The following CCDC85C variants were observed in gnomAD, a reference collection of about 807,000 sequenced individuals.
CCDC85C encodes coiled-coil domain-containing protein 85C.
In CCDC85C, 18 loss-of-function variants were observed where a neutral mutation model predicts 38.3. That is an observed-to-expected ratio of 0.47 (90% CI 0.33 to 0.70). CCDC85C has a LOEUF of 0.70. Ranked by LOEUF, CCDC85C falls within the 30% of genes least tolerant of loss-of-function variation. The probability of loss-of-function intolerance (pLI) is 0.03; values close to 1 mark genes in which losing one functional copy is unlikely to be tolerated. For synonymous variants in CCDC85C, 264 were observed against 293.8 expected, an observed-to-expected ratio of 0.90 and a Z score of 1.04; for missense variants, 566 against 621.2, an observed-to-expected ratio of 0.91 and a Z score of 0.94.
At position 99,515,254 on chromosome 14, in the gene CCDC85C, G is replaced by A. The variant is rs766385345; in HGVS notation, c.1252C>T (p.Pro418Ser). Residue 418 changes from proline (P) to serine (S), a missense_variant, in exon 6 of 6, where the codon CCT (proline) becomes TCT (serine). Physicochemically the swap from Pro to Ser is moderately conservative, Grantham distance 74. Transcript: ENST00000380243. ...QHLSGNQFKGPL is the reference protein window; with the variant it reads ...QHLSGNQFKGSL ...TCCACAGAAGAGTGGCCCTACAAAGGCCCCTTGAACTGGTTCCCAGACAGG... is the reference window on the plus strand; with the variant it reads ...TCCACAGAAGAGTGGCCCTACAAAGACCCCTTGAACTGGTTCCCAGACAGG... 1.9e-6 allele frequency: 3 copies of A among 1,550,336 alleles called. No homozygotes were observed. The highest frequency in any genetic ancestry group is 2.0e-5 in the Admixed American group (1 of 50,958).
Position 99,510,390 on chromosome 14 carries a change from A to G in CCDC85C, c.*4856T>C. ...GGGCTACCAGAGCCTGCAGTCCATG[A>G]TGAAGACCGAGGGACCCTCCTACGG... On this transcript the variant is annotated 3_prime_UTR_variant, in exon 6 of 6. Coordinates refer to ENST00000380243, the MANE Select transcript of CCDC85C (RefSeq NM_001144995.2). The G allele has an allele frequency of 6.4e-7, 1 of 1,565,318 alleles. No homozygotes were observed. Among genetic ancestry groups the G allele is most frequent in the Non-Finnish European group, 8.6e-7 (1 of 1,157,450 alleles).
chr14:99,593,796 A>G (rs2139990268), intron 1 of CCDC85C, among the ~76,000 whole-genome samples: 1 of 152,318 alleles, frequency 6.6e-6, no homozygotes, highest in Admixed American at 6.5e-5. Flanking sequence ...GAACCTCCAG[A>G]GCCTTCACAG....
rs1896861688 is a variant in CCDC85C, at chr14:99,502,613, T to G, written c.*12633A>C. 1.6e-6 allele frequency: 2 copies of G among 1,252,734 alleles called. No individual in the cohort carries two copies. The highest frequency in any genetic ancestry group is 2.2e-6 in the Non-Finnish European group (2 of 892,842). 77.6% of individuals were successfully genotyped at this position (1,252,734 alleles called of 1,614,324 possible). ...AAGATGGGGTGAGTTGTAAATGTGATTCATGCTTAGGTCCTCGTAGGGGTA... is the reference window on the plus strand; with the variant it reads ...AAGATGGGGTGAGTTGTAAATGTGAGTCATGCTTAGGTCCTCGTAGGGGTA... On this transcript the variant is annotated 3_prime_UTR_variant, in exon 6 of 6. Transcript: ENST00000380243.
rs549281093 is a variant in CCDC85C at position 99,560,843 on chromosome 14, G to A, written c.794-24755C>T. On this transcript the variant is annotated intron_variant, in intron 1 of 5. Coordinates refer to ENST00000380243, the MANE Select transcript of CCDC85C (RefSeq NM_001144995.2). ...CCTCTGCCCGATACCAGGGCCCATGGGAGCCAAGCCATCTCTGCAGAAGGG... is the reference window on the plus strand; with the variant it reads ...CCTCTGCCCGATACCAGGGCCCATGAGAGCCAAGCCATCTCTGCAGAAGGG... Among the ~76,000 whole-genome samples the A allele has an allele frequency of 2.0e-5, 3 of 152,344 alleles. No individual in the cohort carries two copies. In the South Asian group the frequency reaches 6.2e-4, roughly 32 times the overall value.
chr14:99,596,006 G>A (rs1045438700), intron 1 of CCDC85C, among the ~76,000 whole-genome samples: 3 of 152,252 alleles, frequency 2.0e-5, no homozygotes, highest in Non-Finnish European at 2.9e-5. Context: ...ACTCCCAGAT[G>A]AAGAGACAGT....
At chr14:99,584,695 A>G (rs2055008600) in intron 1 of CCDC85C, among the ~76,000 whole-genome samples, 1 of 152,238 alleles carries the variant, frequency 6.6e-6, no homozygotes. Context: ...CAAATCCTTC[A>G]TGGCTTTGCA....
chr14:99,578,214 T>A (rs2139972145), intron 1 of CCDC85C, among the ~76,000 whole-genome samples: 1 of 126,790 alleles, frequency 7.9e-6, no homozygotes, highest in African/African-American at 3.2e-5. Context: ...TCTACACCCA[T>A]ACAGCCCATC....
chr14:99,564,621 G>C (rs777520717), intron 1 of CCDC85C, among the ~76,000 whole-genome samples: 3 of 152,202 alleles, frequency 2.0e-5, no homozygotes, highest in Non-Finnish European at 4.4e-5. Context: ...CCAGCTGGCT[G>C]GTGTGTGCAT....
intron 1 of CCDC85C, among the ~76,000 whole-genome samples, chr14:99,555,697 G>T (rs1897997007): frequency 6.6e-6 from 1 of 152,212 alleles, no homozygotes; most frequent in Non-Finnish European, 1.5e-5. Context: ...TAGAAAATCA[G>T]CATCGTCCCC....
chr14:99,603,114 GA>G lies in CCDC85C; in HGVS notation c.793+52del. On this transcript the variant is annotated intron_variant, in intron 1 of 5. Transcript: ENST00000380243. This position sits in a 1 kb window ranked among gnomAD's most constrained non-coding sequence, Gnocchi z 7.5. ...ACCACCTCCTCTCGCCGCAGCCTGGGAAAAGGGCTGCAGCCAGGGAGACCCG... is the reference window on the plus strand; with the variant it reads ...ACCACCTCCTCTCGCCGCAGCCTGGGAAAGGGCTGCAGCCAGGGAGACCCG... The G allele has an allele frequency of 3.9e-6, 5 of 1,283,050 alleles. No individual in the cohort carries two copies. In the South Asian group the frequency reaches 7.2e-5, roughly 18 times the overall value. 79.5% of individuals were successfully genotyped at this position (1,283,050 alleles called of 1,614,324 possible).
chr14:99,592,541 C>A (rs1477408295), intron 1 of CCDC85C, among the ~76,000 whole-genome samples: 1 of 152,172 alleles, frequency 6.6e-6, no homozygotes, highest in East Asian at 1.9e-4. Flanking sequence ...CCACCCCATT[C>A]TGGAAGACAA....
chr14:99,560,436 T>C (rs1186730158), intron 1 of CCDC85C, among the ~76,000 whole-genome samples: 1 of 151,974 alleles, frequency 6.6e-6, no homozygotes. Flanking sequence ...GCACCATCAG[T>C]GGAACCTCAG....
rs939250093 is a variant in CCDC85C, at chr14:99,535,922, C to G, written c.867+93G>C. 2 of 941,862 alleles carry G rather than the reference C, an allele frequency of 2.1e-6. No homozygotes were observed. The highest frequency in any genetic ancestry group is 3.2e-5 in the African/African-American group (2 of 61,650). The allele number at this position is 941,862 out of a possible 1,614,324, so 58.3% of individuals were successfully genotyped here. ...GCAGTGGGAGCAGTTGGGGGGACAG[C>G]CTAGGTCCCAAGGGGAAGGGTGCCC... On this transcript the variant is annotated intron_variant, in intron 2 of 5. Coordinates refer to ENST00000380243, the MANE Select transcript of CCDC85C (RefSeq NM_001144995.2). This position sits in a 1 kb window ranked among gnomAD's most constrained non-coding sequence, Gnocchi z 5.5.
intron 2 of CCDC85C, among the ~76,000 whole-genome samples, chr14:99,525,586 G>A (rs1330607051): frequency 6.6e-6 from 1 of 152,234 alleles, no homozygotes; most frequent in Non-Finnish European, 1.5e-5. Flanking sequence ...TTATGTGTCC[G>A]AGAGGCACAA....
intron 1 of CCDC85C, among the ~76,000 whole-genome samples, chr14:99,583,354 A>C (rs1426524990): frequency 6.6e-6 from 1 of 152,112 alleles, no homozygotes; most frequent in African/African-American, 2.4e-5. Context: ...AATACAAAAA[A>C]TTAGCTGGGC....
intron 1 of CCDC85C, among the ~76,000 whole-genome samples, chr14:99,543,121 C>A (rs1219391171): frequency 1.3e-5 from 2 of 152,192 alleles, no homozygotes; most frequent in Non-Finnish European, 1.5e-5. Flanking sequence ...AGTTCCCCAT[C>A]ATAGGGGGAG....
chr14:99,597,172 T>A (rs2055152075), intron 1 of CCDC85C, among the ~76,000 whole-genome samples: 1 of 152,090 alleles, frequency 6.6e-6, no homozygotes, highest in African/African-American at 2.4e-5. Flanking sequence ...AGAGTGATGC[T>A]CCAGAACCAC....
In CCDC85C at chr14:99,502,708, C is replaced by T; in HGVS notation, c.*12538G>A. ...AATTTGTGTAAAATGTAATTGTTGG[C>T]TATCATTTAGACATCTGCCACCAAA... On this transcript the variant is annotated 3_prime_UTR_variant, in exon 6 of 6. Transcript: ENST00000380243. 1 of 1,609,110 alleles carries T rather than the reference C, an allele frequency of 6.2e-7. No individual in the cohort carries two copies. Among genetic ancestry groups the T allele is most frequent in the Non-Finnish European group, 8.5e-7 (1 of 1,175,810 alleles).
Position 99,511,103 on chromosome 14 carries a change from C to T in CCDC85C, c.*4143G>A, listed in dbSNP as rs1214052218. The T allele has an allele frequency of 4.8e-6, 1 of 207,594 alleles. No individual in the cohort carries two copies. The highest frequency in any genetic ancestry group is 6.0e-5 in the Admixed American group (1 of 16,738). The allele number at this position is 207,594 out of a possible 1,614,324, so 12.9% of individuals were successfully genotyped here. Reference sequence around the variant, plus strand: ...GCCATATTGGCTCAATAAATAGCTTCGGTAAGGAGTTAATTTCCTTCTAGA... The same window carrying T: ...GCCATATTGGCTCAATAAATAGCTTTGGTAAGGAGTTAATTTCCTTCTAGA... On this transcript the variant is annotated 3_prime_UTR_variant, in exon 6 of 6. Coordinates refer to ENST00000380243, the MANE Select transcript of CCDC85C (RefSeq NM_001144995.2).
Sources: gnomAD v4.1 joint callset for allele counts (sites outside exome capture counted in the v4.1 genomes callset) on GRCh38, gnomAD v4.1.1 for gene constraint, Gnocchi (gnomAD v3.1) non-coding constraint, MANE v1.5 for transcripts, NCBI Gene and HGNC (gene_info 2026-07-23, HGNC 2026-07-21) for gene names.